Variants in DLG2 observed in about 807,000 individuals in gnomAD.
DLG2 encodes the protein discs large MAGUK scaffold protein 2, also known as disks large homolog 2.
A neutral mutation model predicts 132.5 loss-of-function variants in DLG2; 45 were observed. That is an observed-to-expected ratio of 0.34 (90% CI 0.27 to 0.44). The LOEUF (loss-of-function observed/expected upper bound fraction) is 0.44. Ranked by LOEUF, DLG2 falls within the 20% of genes least tolerant of loss-of-function variation. The pLI is 1.00. For synonymous variants in DLG2, 424 were observed against 419.6 expected, an observed-to-expected ratio of 1.01 and a Z score of -0.13; for missense variants, 1,045 against 1,196.9, an observed-to-expected ratio of 0.87 and a Z score of 1.87.
intron 6 of DLG2, among the ~76,000 whole-genome samples, chr11:84,980,429 T>A (rs2055570339): frequency 6.6e-6 from 1 of 151,986 alleles, no homozygotes. Flanking sequence ...ATTGGAACAT[T>A]CCTCCCCCTA....
intron 6 of DLG2, among the ~76,000 whole-genome samples, chr11:84,544,226 C>G (rs970862869): frequency 6.6e-6 from 1 of 152,150 alleles, no homozygotes; most frequent in African/African-American, 2.4e-5. Flanking sequence ...AACTGTAATT[C>G]TAAAGTTAAC....
chr11:84,700,181 T>A (rs1458666936), intron 6 of DLG2, among the ~76,000 whole-genome samples: 1 of 151,670 alleles, frequency 6.6e-6, no homozygotes, highest in Non-Finnish European at 1.5e-5. Context: ...ATTAAAGACA[T>A]TATTTGTACA....
chr11:84,482,195 T>TA, intron 7 of DLG2, among the ~76,000 whole-genome samples: 1 of 152,168 alleles, frequency 6.6e-6, no homozygotes, highest in East Asian at 1.9e-4. Flanking sequence ...ATCTTCTTTT[T>TA]AAAAAGCTAA....
Position 85,582,694 on chromosome 11 carries a change from A to C in DLG2, c.40+15963T>G, listed in dbSNP as rs1369028378. 7.3e-5 allele frequency among the ~76,000 whole-genome samples: 10 copies of C among 136,082 alleles called. No individual in the cohort carries two copies. In the East Asian group the frequency reaches 2.0e-3, roughly 27 times the overall value. The allele number at this position is 136,082 out of a possible 152,430, so 89.3% of individuals were successfully genotyped here. ...AAAAAAAAAAAAAAAAAAAAAAAAA[A>C]AAAAAAAAAAACTCGTGCAGCAACT... On this transcript the variant is annotated intron_variant, in intron 3 of 27. Transcript: ENST00000376104.
intron 6 of DLG2, among the ~76,000 whole-genome samples, chr11:85,011,529 A>G (rs545437353): frequency 3.3e-5 from 5 of 152,346 alleles, no homozygotes; most frequent in African/African-American, 1.2e-4. Context: ...AAGAGTAAGT[A>G]AATATAGATA....
At chr11:83,629,392 C>A (rs1036721323) in intron 19 of DLG2, among the ~76,000 whole-genome samples, 7 of 152,166 alleles carry the variant, frequency 4.6e-5, no homozygotes, top group Non-Finnish European at 5.9e-5. Context: ...GTTTTATTAA[C>A]AAGTGAACAG....
At chr11:84,051,531 A>ACCAAACACTG (rs2096379638) in intron 11 of DLG2, among the ~76,000 whole-genome samples, 1 of 150,256 alleles carries the variant, frequency 6.7e-6, no homozygotes, top group African/African-American at 2.4e-5. Flanking sequence ...AGGACAAAAT[A>ACCAAACACTG]CCAAACACTG....
At chr11:84,423,058 A>T (rs573160961) in intron 7 of DLG2, among the ~76,000 whole-genome samples, 1 of 152,172 alleles carries the variant, frequency 6.6e-6, no homozygotes. Context: ...ATTGTAAATT[A>T]GTCAGCACAT....
intron 10 of DLG2, among the ~76,000 whole-genome samples, chr11:84,062,736 A>ATTTT (rs35921216): frequency 0.019 from 2,833 of 149,064 alleles, 68 homozygotes; most frequent in African/African-American, 0.055. Flanking sequence ...GATTGTTTTA[A>ATTTT]TTTTTTTTTT....
In DLG2 at chr11:84,058,555, T is replaced by C. The variant is rs1409268487; in HGVS notation, c.919+760A>G. On this transcript the variant is annotated intron_variant, in intron 11 of 27. Transcript: ENST00000376104. ...TAATAATAATAACCACATGCACTAG[T>C]GCATGCCTGTAGTCCCAGCTATTTG... 2.2e-5 allele frequency among the ~76,000 whole-genome samples: 3 copies of C among 136,200 alleles called. No homozygotes were observed. The Admixed American group carries it at 2.2e-4, about 10-fold the overall frequency. The allele number at this position is 136,200 out of a possible 152,430, so 89.4% of individuals were successfully genotyped here.
intron 19 of DLG2, 116 bp downstream of exon 19, chr11:83,633,095 G>A (rs1283029854): frequency 2.7e-5 from 22 of 820,598 alleles, no homozygotes; most frequent in African/African-American, 1.7e-5. Flanking sequence ...TTTCAGTAGT[G>A]TACTGATGAA....
At chr11:83,945,987 CT>C (rs2083813292) in intron 14 of DLG2, among the ~76,000 whole-genome samples, 2 of 122,580 alleles carry the variant, frequency 1.6e-5, no homozygotes, top group Admixed American at 7.8e-5. Flanking sequence ...CTCTTTCTCT[CT>C]CTCTCTTTTT....
intron 6 of DLG2, among the ~76,000 whole-genome samples, chr11:84,906,078 C>T (rs1280044026): frequency 6.6e-6 from 1 of 152,004 alleles, no homozygotes; most frequent in East Asian, 1.9e-4. Context: ...AGTCACATGG[C>T]ATAGCTAGAA....
At chr11:85,556,038 T>C (rs2076926795) in intron 3 of DLG2, among the ~76,000 whole-genome samples, 3 of 151,512 alleles carry the variant, frequency 2.0e-5, no homozygotes, top group African/African-American at 7.3e-5. Flanking sequence ...TGATCTATTG[T>C]CAGTCATTTC....
intron 6 of DLG2, among the ~76,000 whole-genome samples, chr11:84,743,630 T>C (rs191981225): frequency 7.9e-5 from 12 of 152,312 alleles, no homozygotes; most frequent in African/African-American, 2.4e-4. Context: ...AGTTAATATA[T>C]ACATTGGGGT....
chr11:85,505,975 C>T (rs1337050458), intron 3 of DLG2, among the ~76,000 whole-genome samples: 3 of 152,130 alleles, frequency 2.0e-5, no homozygotes, highest in Admixed American at 2.0e-4. Context: ...GGAATTTATC[C>T]ATTTCTTCTA....
chr11:85,524,029 T>G (rs2074539175), intron 3 of DLG2, among the ~76,000 whole-genome samples: 1 of 152,078 alleles, frequency 6.6e-6, no homozygotes, highest in Admixed American at 6.6e-5. Flanking sequence ...CAGCTAAAAA[T>G]TAAAACAACT....
intron 6 of DLG2, among the ~76,000 whole-genome samples, chr11:84,645,786 GT>G (rs532237141): frequency 2.0e-4 from 31 of 152,212 alleles, no homozygotes; most frequent in Middle Eastern, 6.8e-3. Context: ...ATTTAATAAT[GT>G]TTTTGCATAG....
At chr11:83,699,867 ATCTG>A (rs1018754835) in intron 18 of DLG2, among the ~76,000 whole-genome samples, 111 of 146,790 alleles carry the variant, frequency 7.6e-4, no homozygotes, top group South Asian at 1.3e-3. Context: ...GTATGCATGT[ATCTG>A]TCTGTCTTTC....
Sources: gnomAD v4.1 joint callset for allele counts (sites outside exome capture counted in the v4.1 genomes callset) on GRCh38, gnomAD v4.1.1 for gene constraint, MANE v1.5 for transcripts, NCBI Gene and HGNC (gene_info 2026-07-23, HGNC 2026-07-21) for gene names.